SYT10: variants seen among roughly 807,000 people sequenced by gnomAD.
SYT10 encodes the protein synaptotagmin 10, also known as synaptotagmin-10.
Under a neutral mutation model 51.1 loss-of-function variants are expected in SYT10, and 31 were observed. The ratio of observed to expected loss-of-function variants is 0.61; its 90% CI spans 0.46 to 0.82. The LOEUF is 0.82. Among genes scored for constraint, SYT10 ranks in the 40% least tolerant of loss-of-function variants. The pLI, the probability that SYT10 is intolerant of heterozygous loss-of-function variation, is 0.00. For synonymous variants in SYT10, 233 were observed against 225.9 expected, an observed-to-expected ratio of 1.03 and a Z score of -0.28; for missense variants, 603 against 634.0, an observed-to-expected ratio of 0.95 and a Z score of 0.53.
chr12:33,389,286 CTG>C (rs1273258950), intron 3 of SYT10, among the ~76,000 whole-genome samples: 2 of 152,082 alleles, frequency 1.3e-5, no homozygotes, highest in Admixed American at 1.3e-4. Context: ...GTCAAAAAAA[CTG>C]GAGTTAAAAA....
intron 3 of SYT10, among the ~76,000 whole-genome samples, chr12:33,404,471 G>A (rs1309411645): frequency 3.3e-5 from 5 of 151,948 alleles, no homozygotes; most frequent in Admixed American, 6.6e-5. Flanking sequence ...AGCTCACTGC[G>A]ACCTCCGCCT....
In SYT10 at chr12:33,375,414, C is replaced by T. The variant is rs1258193920; in HGVS notation, c.*1416G>A. 6.6e-6 allele frequency: 1 copy of T among 151,558 alleles called. No individual in the cohort carries two copies. Among genetic ancestry groups the T allele is most frequent in the Non-Finnish European group, 1.5e-5 (1 of 67,860 alleles). The allele number at this position is 151,558 out of a possible 1,614,324, so 9.4% of individuals were successfully genotyped here. A position where few individuals can be genotyped will look rare whatever the true frequency, so the allele number is the denominator to read the frequency against. On this transcript the variant is annotated 3_prime_UTR_variant, in exon 7 of 7. Transcript: ENST00000228567. ...AGGTAAATATGTTTTTATTTTCTTG[C>T]CTCTTTTTTTAAAAAAACCACCAAT...
intron 3 of SYT10, among the ~76,000 whole-genome samples, chr12:33,387,328 T>G (rs1183552496): frequency 2.0e-4 from 30 of 152,198 alleles, no homozygotes; most frequent in Non-Finnish European, 2.5e-4. Context: ...AAGTTTTTAA[T>G]CTCCAAAATT....
At chr12:33,406,681 A>T in intron 3 of SYT10, 108 bp downstream of exon 3, 1 of 950,888 alleles carries the variant, frequency 1.1e-6, no homozygotes, top group South Asian at 1.8e-5. Context: ...GATCTTAGAC[A>T]TAAATTCCAT....
intron 3 of SYT10, chr12:33,404,905 A>T (rs1457365926): frequency 6.6e-6 from 1 of 151,510 alleles, no homozygotes; most frequent in Non-Finnish European, 1.5e-5. Flanking sequence ...TAAGTAATTT[A>T]TTAATATTTA....
chr12:33,380,978 C>T (rs1456670310), intron 5 of SYT10, among the ~76,000 whole-genome samples: 1 of 152,078 alleles, frequency 6.6e-6, no homozygotes, highest in African/African-American at 2.4e-5. Flanking sequence ...ATTTCCCAAA[C>T]AAGCATGTTT....
chr12:33,415,533 A>T (rs1036896572), intron 2 of SYT10, among the ~76,000 whole-genome samples: 3 of 152,216 alleles, frequency 2.0e-5, no homozygotes, highest in African/African-American at 7.2e-5. Flanking sequence ...TTAACCTTAG[A>T]TATTGCTTAA....
intron 5 of SYT10, among the ~76,000 whole-genome samples, chr12:33,381,049 G>T (rs184531910): frequency 1.1e-4 from 16 of 151,998 alleles, no homozygotes; most frequent in Admixed American, 9.8e-4. Context: ...CCCTAAAATT[G>T]CCCCAGTGAC....
intron 2 of SYT10, chr12:33,408,362 C>T (rs1352199396): frequency 6.6e-6 from 1 of 152,008 alleles, no homozygotes; most frequent in South Asian, 2.1e-4. Flanking sequence ...TTGAGCCCAA[C>T]AAAACAAGTT....
chr12:33,426,099 C>CACACACAT (rs771916434), intron 2 of SYT10, 39 bp downstream of exon 2: 1 of 1,512,574 alleles, frequency 6.6e-7, no homozygotes, highest in African/African-American at 1.4e-5. Context: ...CACACACACA[C>CACACACAT]GCACACACAC....
At chr12:33,424,843 G>A (rs1284153424) in intron 2 of SYT10, among the ~76,000 whole-genome samples, 1 of 151,904 alleles carries the variant, frequency 6.6e-6, no homozygotes, top group Admixed American at 6.6e-5. Flanking sequence ...GAGCCTAAAT[G>A]TCATTGCTCA....
chr12:33,417,850 AG>A (rs1174482144), intron 2 of SYT10, among the ~76,000 whole-genome samples: 1 of 152,212 alleles, frequency 6.6e-6, no homozygotes, highest in Non-Finnish European at 1.5e-5. Flanking sequence ...GAAACTAAGA[AG>A]GAAAAAAAAT....
rs201562278 is a variant in SYT10 at position 33,410,398 on chromosome 12, A to G, written c.510-3042T>C. Among the ~76,000 whole-genome samples the G allele has an allele frequency of 2.6e-4, 39 of 152,330 alleles. No individual in the cohort carries two copies. The East Asian group carries it at 7.1e-3, about 28-fold the overall frequency. On this transcript the variant is annotated intron_variant, in intron 2 of 6. Coordinates refer to ENST00000228567, the MANE Select transcript of SYT10 (RefSeq NM_198992.4). Reference sequence around the variant, plus strand: ...AAGTGCTTAGGGCTGTATTGAAACTAATTCAACCTCTCTCTATGGTCCCCT... The same window carrying G: ...AAGTGCTTAGGGCTGTATTGAAACTGATTCAACCTCTCTCTATGGTCCCCT...
At chr12:33,391,772 C>T (rs1866209677) in intron 3 of SYT10, among the ~76,000 whole-genome samples, 1 of 152,078 alleles carries the variant, frequency 6.6e-6, no homozygotes, top group African/African-American at 2.4e-5. Flanking sequence ...TGCTCAAAAC[C>T]ATGTTTCTGA....
chr12:33,395,813 G>A (rs1565493021), intron 3 of SYT10, among the ~76,000 whole-genome samples: 1 of 151,930 alleles, frequency 6.6e-6, no homozygotes, highest in South Asian at 2.1e-4. Context: ...TATTAGTTTC[G>A]GCAATTCCAA....
At chr12:33,419,172 A>G (rs1866479223) in intron 2 of SYT10, among the ~76,000 whole-genome samples, 1 of 152,110 alleles carries the variant, frequency 6.6e-6, no homozygotes, top group African/African-American at 2.4e-5. Context: ...AAATTACAAC[A>G]CTGCCTCCCA....
chr12:33,385,231 T>C lies in SYT10; in HGVS notation c.1138A>G (p.Met380Val). Residue 380 changes from methionine to valine, a missense_variant, in exon 4 of 7, where the codon ATG becomes GTG. Met to Val is a conservative substitution (Grantham distance 21). Coordinates refer to ENST00000228567, the MANE Select transcript of SYT10 (RefSeq NM_198992.4). The stretch of plus-strand genomic sequence containing the variant: ...CTGCACTTAATGACTGTCAATGTCA[T>C]ACGCCCAGCCGTCGGTAGGTAACAA... ...SLCYLPTAGR[M>V]TLTVIKCRNL... 6.2e-7 allele frequency: 1 copy of C among 1,613,814 alleles called. No individual in the cohort carries two copies. Among genetic ancestry groups the C allele is most frequent in the Non-Finnish European group, 8.5e-7 (1 of 1,179,812 alleles).
chr12:33,387,747 G>GC (rs1866169133), intron 3 of SYT10, among the ~76,000 whole-genome samples: 1 of 122,680 alleles, frequency 8.2e-6, no homozygotes, highest in South Asian at 2.9e-4. Context: ...CTTCTAACAT[G>GC]TTTTTTTTTT....
chr12:33,382,494 A>C lies in SYT10; in HGVS notation c.1225T>G (p.Cys409Gly). 2 of 1,611,014 alleles carry C rather than the reference A, an allele frequency of 1.2e-6. No homozygotes were observed. Among genetic ancestry groups the C allele is most frequent in the Non-Finnish European group, 1.7e-6 (2 of 1,178,750 alleles). Residue 409 changes from cysteine (C) to glycine (G), a missense_variant, in exon 5 of 7, where the codon TGT becomes GGT. Transcript: ENST00000228567. ...CTCTTTTTTAATCTTCGACCTTCAC[A>C]CATCAGGGACACTTTGACATAAGGA... ...SDPYVKVSLMCEGRRLKKRKT... is the reference protein window; with the variant it reads ...SDPYVKVSLMGEGRRLKKRKT...
Sources: gnomAD v4.1 joint callset for allele counts (sites outside exome capture counted in the v4.1 genomes callset) on GRCh38, gnomAD v4.1.1 for gene constraint, MANE v1.5 for transcripts, NCBI Gene and HGNC (gene_info 2026-07-23, HGNC 2026-07-21) for gene names.